PDE4D: variants seen among roughly 807,000 people sequenced by gnomAD.
The protein encoded by PDE4D is 3',5'-cyclic-AMP phosphodiesterase 4D.
PDE4D carries 24 observed loss-of-function variants against 87.4 expected under a neutral mutation model. That is an observed-to-expected ratio of 0.27 (90% CI 0.20 to 0.39). The LOEUF (loss-of-function observed/expected upper bound fraction) is 0.39. PDE4D is among the 10% of genes least tolerant of loss of function. The pLI is 1.00. For synonymous variants in PDE4D, 384 were observed against 383.2 expected (o/e 1.00, Z -0.02); for missense variants, 714 against 1,041.0 (o/e 0.69, Z 4.32).
At chr5:59,756,751 ACAG>A (rs1199734649) in intron 1 of PDE4D, among the ~76,000 whole-genome samples, 1 of 152,056 alleles carries the variant, frequency 6.6e-6, no homozygotes, top group Non-Finnish European at 1.5e-5. Flanking sequence ...TGTATATTAT[ACAG>A]GTGGCACTTG....
intron 1 of PDE4D, among the ~76,000 whole-genome samples, chr5:59,807,628 A>G (rs1215764002): frequency 6.6e-6 from 1 of 152,190 alleles, no homozygotes; most frequent in Non-Finnish European, 1.5e-5. Flanking sequence ...GGCCTTCCAG[A>G]CAATTATGAA....
chr5:59,518,393 A>G (rs1345825857), intron 1 of PDE4D, among the ~76,000 whole-genome samples: 1 of 152,014 alleles, frequency 6.6e-6, no homozygotes, highest in Non-Finnish European at 1.5e-5. Context: ...CTGAGTCATG[A>G]TGAATACAAC....
chr5:59,735,636 A>C (rs1015485730), intron 1 of PDE4D, among the ~76,000 whole-genome samples: 3 of 152,190 alleles, frequency 2.0e-5, no homozygotes, highest in African/African-American at 7.2e-5. Flanking sequence ...TATAAAAAGC[A>C]AGCATGCTAA....
intron 1 of PDE4D, among the ~76,000 whole-genome samples, chr5:59,581,178 C>T (rs1011969417): frequency 1.3e-5 from 2 of 151,820 alleles, no homozygotes; most frequent in Non-Finnish European, 2.9e-5. Context: ...TGAGCATTAA[C>T]GTTTGTGGGA....
intron 1 of PDE4D, among the ~76,000 whole-genome samples, chr5:59,633,393 C>T (rs915809241): frequency 1.3e-5 from 2 of 152,134 alleles, no homozygotes; most frequent in Non-Finnish European, 2.9e-5. Context: ...GAGAACCTCA[C>T]AAAGATACTC....
intron 2 of PDE4D, among the ~76,000 whole-genome samples, chr5:60,108,805 C>A (rs9968664): frequency 0.028 from 4,279 of 151,796 alleles, 193 homozygotes; most frequent in African/African-American, 0.098. Context: ...CTGGCTAGCC[C>A]TATGTAGAAA....
At chr5:59,119,972 G>A (rs555574221) in intron 5 of PDE4D, among the ~76,000 whole-genome samples, 191 of 152,146 alleles carry the variant, frequency 1.3e-3, no homozygotes, top group Non-Finnish European at 1.6e-3. Context: ...AGCCTCCCAA[G>A]TAGTTGGGAC....
At chr5:59,806,971 T>C (rs1767806730) in intron 1 of PDE4D, among the ~76,000 whole-genome samples, 2 of 152,320 alleles carry the variant, frequency 1.3e-5, no homozygotes, top group South Asian at 4.1e-4. Context: ...TTTTATTTTA[T>C]GGAGAAAGTT....
intron 1 of PDE4D, among the ~76,000 whole-genome samples, chr5:59,463,523 C>T (rs899343833): frequency 3.3e-5 from 5 of 152,178 alleles, no homozygotes; most frequent in Non-Finnish European, 7.3e-5. Flanking sequence ...GAATCACATG[C>T]TCATTAAGCT....
intron 1 of PDE4D, among the ~76,000 whole-genome samples, chr5:59,486,685 G>A (rs1241579997): frequency 6.6e-6 from 1 of 152,114 alleles, no homozygotes; most frequent in Non-Finnish European, 1.5e-5. Context: ...GTGGAGCTGA[G>A]GTTTAAAGAT....
At chr5:60,133,349 G>T (rs1779751794) in intron 2 of PDE4D, among the ~76,000 whole-genome samples, 1 of 151,592 alleles carries the variant, frequency 6.6e-6, no homozygotes, top group Non-Finnish European at 1.5e-5. Flanking sequence ...ATTTTTTTTA[G>T]ACGGGGTCTC....
intron 1 of PDE4D, among the ~76,000 whole-genome samples, chr5:59,752,742 T>C (rs1354157092): frequency 2.6e-5 from 4 of 152,154 alleles, no homozygotes. Context: ...CAAAGCATCA[T>C]TCTGGCCCAG....
intron 1 of PDE4D, among the ~76,000 whole-genome samples, chr5:60,187,625 T>C (rs1022351933): frequency 1.3e-5 from 2 of 152,168 alleles, no homozygotes; most frequent in African/African-American, 4.8e-5. Flanking sequence ...TTAAAAAATT[T>C]GCCTTGAAAT....
chr5:59,989,113 T>TATATAC lies in PDE4D; in HGVS notation c.43-397_43-396insGTATAT, dbSNP rs780796417. On this transcript the variant is annotated intron_variant, in intron 2 of 16. Coordinates refer to the PDE4D transcript ENST00000502484. ...ATATATATATATATATATATATATATATACACACACACACATACAGTTATG... is the reference window on the plus strand; with the variant it reads ...ATATATATATATATATATATATATATATATACATACACACACACACATACAGTTATG... Among the ~76,000 whole-genome samples the TATATAC allele has an allele frequency of 3.6e-3, 479 of 133,490 alleles. 3 individuals are homozygous for TATATAC. Among genetic ancestry groups the TATATAC allele is most frequent in the African/African-American group, 0.013 (466 of 36,282 alleles). The allele number at this position is 133,490 out of a possible 152,430, so 87.6% of individuals were successfully genotyped here.
At chr5:59,504,523 G>A (rs114346283) in intron 1 of PDE4D, among the ~76,000 whole-genome samples, 6 of 152,002 alleles carry the variant, frequency 3.9e-5, no homozygotes, top group South Asian at 2.1e-4. Context: ...GTGTAGCACC[G>A]GGATTCATTT....
chr5:59,179,557 T>TGATGACATTCAGAAAA (rs1740982900), intron 5 of PDE4D: 1 of 353,554 alleles, frequency 2.8e-6, no homozygotes. Flanking sequence ...AAGTTTCACT[T>TGATGACATTCAGAAAA]GATGACATTC....
intron 11 of PDE4D, among the ~76,000 whole-genome samples, chr5:58,986,572 C>CT (rs1214834799): frequency 6.6e-6 from 1 of 152,194 alleles, no homozygotes; most frequent in Admixed American, 6.5e-5. Flanking sequence ...AGCGTGAACC[C>CT]TACTGTGAAC....
intron 1 of PDE4D, among the ~76,000 whole-genome samples, chr5:59,677,336 CA>C (rs1182792999): frequency 1.3e-5 from 2 of 152,044 alleles, no homozygotes; most frequent in African/African-American, 2.4e-5. Flanking sequence ...CTTGATCCAC[CA>C]AAAAGCACCC....
chr5:59,251,223 C>G (rs571128054), intron 1 of PDE4D, among the ~76,000 whole-genome samples: 1 of 152,236 alleles, frequency 6.6e-6, no homozygotes, highest in South Asian at 2.1e-4. Context: ...AAGAAACTAT[C>G]AACAGAGTTA....
Sources: gnomAD v4.1 joint callset for allele counts (sites outside exome capture counted in the v4.1 genomes callset) on GRCh38, gnomAD v4.1.1 for gene constraint, MANE v1.5 for transcripts, NCBI Gene and HGNC (gene_info 2026-07-23, HGNC 2026-07-21) for gene names.